Variants in AGBL4 observed in about 807,000 individuals in gnomAD.
AGBL4 encodes cytosolic carboxypeptidase 6.
AGBL4 carries 58 observed loss-of-function variants against 66.4 expected under a neutral mutation model. The ratio of observed to expected loss-of-function variants is 0.87; its 90% CI spans 0.71 to 1.09. The LOEUF is 1.09. Ranked by LOEUF, AGBL4 falls within the 50% of genes least tolerant of loss-of-function variation. AGBL4 has a pLI of 0.00. For synonymous variants in AGBL4, 234 were observed against 222.9 expected (o/e 1.05, Z -0.44); for missense variants, 579 against 631.0 (o/e 0.92, Z 0.88).
At chr1:49,884,235 T>C (rs936200248) in intron 1 of AGBL4, among the ~76,000 whole-genome samples, 2 of 151,968 alleles carry the variant, frequency 1.3e-5, no homozygotes, top group South Asian at 2.1e-4. Flanking sequence ...TACTGCAGTA[T>C]AACATACTTT....
intron 3 of AGBL4, among the ~76,000 whole-genome samples, chr1:49,407,044 G>A (rs1369866601): frequency 2.5e-4 from 29 of 115,092 alleles, no homozygotes; most frequent in African/African-American, 8.9e-4. Flanking sequence ...CAGCCAGGGC[G>A]ACAGAGTGAG....
At chr1:50,012,756 G>A (rs1434059338) in intron 1 of AGBL4, among the ~76,000 whole-genome samples, 2 of 152,152 alleles carry the variant, frequency 1.3e-5, no homozygotes, top group Non-Finnish European at 2.9e-5. Context: ...TTTCAAGGGT[G>A]AGTTGGCAAC....
At chr1:49,736,264 G>C (rs1269212575) in intron 2 of AGBL4, among the ~76,000 whole-genome samples, 1 of 151,394 alleles carries the variant, frequency 6.6e-6, no homozygotes, top group Non-Finnish European at 1.5e-5. Context: ...ACAAAGAAAG[G>C]CTCTTGAAAA....
chr1:48,597,851 A>C (rs527315069), intron 9 of AGBL4, among the ~76,000 whole-genome samples: 5 of 151,150 alleles, frequency 3.3e-5, no homozygotes, highest in Admixed American at 6.6e-5. Context: ...GAAAGGAAGG[A>C]AGGAAAGAAA....
chr1:49,251,597 C>A (rs1269008406), intron 3 of AGBL4, among the ~76,000 whole-genome samples: 1 of 152,234 alleles, frequency 6.6e-6, no homozygotes, highest in Non-Finnish European at 1.5e-5. Flanking sequence ...CAGTCTCCAG[C>A]AGGGGCCCTG....
chr1:49,971,906 G>GGTTGTTTTTTTTTT (rs1457900823), intron 1 of AGBL4, among the ~76,000 whole-genome samples: 2 of 43,442 alleles, frequency 4.6e-5, no homozygotes, highest in African/African-American at 7.3e-5. Context: ...GGTTTTTTTG[G>GGTTGTTTTTTTTTT]GTTTTTTTTT....
intron 3 of AGBL4, among the ~76,000 whole-genome samples, chr1:49,556,892 G>A (rs1371558150): frequency 6.6e-6 from 1 of 152,136 alleles, no homozygotes; most frequent in Non-Finnish European, 1.5e-5. Flanking sequence ...CGCGGCGCGG[G>A]TGGGCCTGCA....
chr1:49,013,555 A>T (rs1340986797), intron 5 of AGBL4, among the ~76,000 whole-genome samples: 1 of 152,214 alleles, frequency 6.6e-6, no homozygotes, highest in Non-Finnish European at 1.5e-5. Flanking sequence ...TATAGGCTCC[A>T]TCTGTCCCAG....
intron 2 of AGBL4, among the ~76,000 whole-genome samples, chr1:49,718,764 T>C (rs1648361573): frequency 1.3e-5 from 2 of 152,118 alleles, no homozygotes; most frequent in Non-Finnish European, 2.9e-5. Flanking sequence ...GTCTGTATTT[T>C]CTTCTTTATT....
chr1:48,663,170 A>G lies in AGBL4; in HGVS notation c.706T>C (p.Ser236Pro). The G allele has an allele frequency of 6.2e-7, 1 of 1,613,940 alleles. No homozygotes were observed. Among genetic ancestry groups the G allele is most frequent in the Non-Finnish European group, 8.5e-7 (1 of 1,179,860 alleles). The change falls in exon 7 of 14, where the codon TCA becomes CCA. Residue 236 changes from serine (S) to proline (P), a missense_variant. Physicochemically the swap from Ser to Pro is moderately conservative, Grantham distance 74. Transcript: ENST00000371839. ...TGRVHPGETP[S>P]SFVCQGIIDF... ...CACTCACCTTGGCACACAAATGATG[A>G]GGGTGTTTCCCCTGGGTGGACTCGT...
intron 4 of AGBL4, among the ~76,000 whole-genome samples, chr1:49,237,171 G>A (rs1458288550): frequency 6.6e-6 from 1 of 151,798 alleles, no homozygotes; most frequent in African/African-American, 2.4e-5. Context: ...GCTGAGGCAG[G>A]AGAATGGAGT....
At chr1:49,510,857 T>C (rs1250810165) in intron 3 of AGBL4, among the ~76,000 whole-genome samples, 18 of 150,120 alleles carry the variant, frequency 1.2e-4, no homozygotes, top group African/African-American at 4.4e-4. Context: ...TCCCCATTGC[T>C]TGTTTTTCTC....
chr1:49,456,976 T>A (rs967759275), intron 3 of AGBL4, among the ~76,000 whole-genome samples: 1 of 151,788 alleles, frequency 6.6e-6, no homozygotes, highest in African/African-American at 2.4e-5. Context: ...ACTCATTGAT[T>A]GATGAGCATT....
chr1:49,295,286 T>C (rs1428967982), intron 3 of AGBL4, among the ~76,000 whole-genome samples: 2 of 152,122 alleles, frequency 1.3e-5, no homozygotes, highest in Non-Finnish European at 2.9e-5. Context: ...ATGTAAATAG[T>C]TGTTTACAAT....
chr1:49,782,445 A>T (rs2147908248), intron 2 of AGBL4, among the ~76,000 whole-genome samples: 1 of 152,342 alleles, frequency 6.6e-6, no homozygotes, highest in Admixed American at 6.5e-5. Flanking sequence ...TATAGATGAT[A>T]AAAAGATTAA....
intron 4 of AGBL4, among the ~76,000 whole-genome samples, chr1:49,229,636 G>A (rs1166679251): frequency 1.3e-5 from 2 of 152,136 alleles, no homozygotes; most frequent in South Asian, 2.1e-4. Flanking sequence ...TTCCTTGATT[G>A]AATTCAAAAA....
chr1:50,007,043 T>C (rs1199125159), intron 1 of AGBL4, among the ~76,000 whole-genome samples: 3 of 152,190 alleles, frequency 2.0e-5, no homozygotes, highest in African/African-American at 7.2e-5. Context: ...CAGTATAAGA[T>C]ATAAATAGAA....
chr1:48,786,007 C>T lies in AGBL4; in HGVS notation c.634+81184G>A, dbSNP rs1403160949. ...AGTCCTCATAGGGCCAGAGTGTACC[C>T]CTAGACTTAAAAAAAAAAAAGACAA... On this transcript the variant is annotated intron_variant, in intron 6 of 13. Coordinates refer to ENST00000371839, the MANE Select transcript of AGBL4 (RefSeq NM_032785.4). Among the ~76,000 whole-genome samples, 3 of 150,380 alleles carry T rather than the reference C, an allele frequency of 2.0e-5. No homozygotes were observed. In the East Asian group the frequency reaches 6.3e-4, roughly 32 times the overall value.
intron 1 of AGBL4, among the ~76,000 whole-genome samples, chr1:49,874,320 A>T (rs1398280999): frequency 6.6e-6 from 1 of 152,124 alleles, no homozygotes; most frequent in East Asian, 1.9e-4. Flanking sequence ...AGTCTAAACC[A>T]TAAAAGAAGT....
Sources: allele counts gnomAD v4.1 joint callset (sites outside exome capture counted in the v4.1 genomes callset), GRCh38; gene constraint gnomAD v4.1.1; transcripts MANE v1.5; gene names NCBI Gene and HGNC (gene_info 2026-07-23, HGNC 2026-07-21).